Variants in SETBP1 observed in about 807,000 individuals in gnomAD.
SETBP1 encodes the protein SET-binding protein.
Under a neutral mutation model 101.0 loss-of-function variants are expected in SETBP1, and 9 were observed. The observed-to-expected ratio is 0.09, with a 90% CI of 0.05 to 0.16. SETBP1 has a LOEUF of 0.16. Among genes scored for constraint, SETBP1 ranks in the 10% least tolerant of loss-of-function variants. SETBP1 has a pLI of 1.00. For missense variants in SETBP1, 1,858 were observed against 2,033.8 expected (o/e 0.91, Z 1.66); for synonymous variants, 818 against 788.5 (o/e 1.04, Z -0.63).
At position 44,855,782 on chromosome 18, in the gene SETBP1, A is replaced by T. The variant is rs564859296; in HGVS notation, c.487-13448A>T. ...ACTCTCACTGGCATGGTGTGCTCAGATCTGCCTGCCACATTGAGGGGAAGG... is the reference window on the plus strand; with the variant it reads ...ACTCTCACTGGCATGGTGTGCTCAGTTCTGCCTGCCACATTGAGGGGAAGG... On this transcript the variant is annotated intron_variant, in intron 2 of 5. Transcript: ENST00000649279. Among the ~76,000 whole-genome samples, 5 of 152,338 alleles carry T rather than the reference A, an allele frequency of 3.3e-5. No homozygotes were observed. In the South Asian group the frequency reaches 1.0e-3, roughly 32 times the overall value.
At chr18:44,711,824 G>A (rs1026423761) in intron 2 of SETBP1, among the ~76,000 whole-genome samples, 1 of 150,838 alleles carries the variant, frequency 6.6e-6, no homozygotes, top group African/African-American at 2.4e-5. Context: ...ACAGGCCACC[G>A]GCCTGGGCTG....
intron 2 of SETBP1, among the ~76,000 whole-genome samples, chr18:44,754,407 A>G (rs1311710287): frequency 2.0e-5 from 3 of 152,224 alleles, no homozygotes; most frequent in Non-Finnish European, 4.4e-5. Flanking sequence ...TTGGATTGGC[A>G]TCCCAGAATG....
At chr18:44,955,400 T>A (rs1351317483) in intron 4 of SETBP1, among the ~76,000 whole-genome samples, 2 of 152,242 alleles carry the variant, frequency 1.3e-5, no homozygotes, top group Non-Finnish European at 2.9e-5. Context: ...GGCCCAACTC[T>A]GTTACTAATT....
intron 3 of SETBP1, among the ~76,000 whole-genome samples, chr18:44,901,559 G>T (rs1383021071): frequency 6.6e-6 from 1 of 152,168 alleles, no homozygotes; most frequent in East Asian, 1.9e-4. Context: ...ATGATGGGAG[G>T]TAGGGAAGGT....
At chr18:44,688,542 T>G (rs1454237129) in intron 1 of SETBP1, among the ~76,000 whole-genome samples, 1 of 150,808 alleles carries the variant, frequency 6.6e-6, no homozygotes, top group Non-Finnish European at 1.5e-5. Context: ...AACCTCCACC[T>G]CCTGGGTTCA....
At chr18:44,744,784 A>AAC (rs2070196237) in intron 2 of SETBP1, among the ~76,000 whole-genome samples, 3 of 63,630 alleles carry the variant, frequency 4.7e-5, no homozygotes, top group African/African-American at 9.1e-5. Context: ...AAAAAAAAAC[A>AAC]AAAAAAAAAA....
In SETBP1 at chr18:44,680,948, G is replaced by T. The variant is rs990129220; in HGVS notation, c.-246G>T. 1.3e-5 allele frequency: 2 copies of T among 152,168 alleles called. No individual in the cohort carries two copies. Among genetic ancestry groups the T allele is most frequent in the Non-Finnish European group, 2.9e-5 (2 of 68,070 alleles). The allele number at this position is 152,168 out of a possible 1,614,324, so 9.4% of individuals were successfully genotyped here. ...TTGTAACCTAGTTGGATTTTTTTGG[G>T]GGGGGAATGTATCAGAATCTAACGT... On this transcript the variant is annotated 5_prime_UTR_variant, in exon 1 of 6. Coordinates refer to ENST00000649279, the MANE Select transcript of SETBP1 (RefSeq NM_015559.3).
At chr18:44,685,056 A>G (rs1321554330) in intron 1 of SETBP1, among the ~76,000 whole-genome samples, 1 of 152,312 alleles carries the variant, frequency 6.6e-6, no homozygotes, top group Non-Finnish European at 1.5e-5. Flanking sequence ...CCTGAAGTCC[A>G]TAGGATCCTC....
At chr18:44,826,996 G>A (rs1390984245) in intron 2 of SETBP1, among the ~76,000 whole-genome samples, 5 of 152,180 alleles carry the variant, frequency 3.3e-5, no homozygotes, top group Admixed American at 6.5e-5. Context: ...GGCTAAGAAT[G>A]CCATGGGAGA....
intron 2 of SETBP1, among the ~76,000 whole-genome samples, chr18:44,747,659 A>G (rs975601248): frequency 6.6e-6 from 1 of 152,236 alleles, no homozygotes; most frequent in Non-Finnish European, 1.5e-5. Context: ...GTATTTTACA[A>G]TATGCAGTCT....
intron 3 of SETBP1, among the ~76,000 whole-genome samples, chr18:44,942,783 A>G (rs1471619924): frequency 6.6e-6 from 1 of 152,226 alleles, no homozygotes; most frequent in African/African-American, 2.4e-5. Context: ...GTTATGCAGA[A>G]TTATTTACTA....
chr18:44,765,264 A>G (rs1009760907), intron 2 of SETBP1, among the ~76,000 whole-genome samples: 1 of 152,046 alleles, frequency 6.6e-6, no homozygotes, highest in Non-Finnish European at 1.5e-5. Context: ...CTGTAGGAAA[A>G]AAAAAAAGCA....
intron 2 of SETBP1, among the ~76,000 whole-genome samples, chr18:44,759,349 C>A (rs758883555): frequency 1.3e-5 from 2 of 152,220 alleles, no homozygotes; most frequent in African/African-American, 2.4e-5. Flanking sequence ...AGCTTTCCTG[C>A]GAAGGTGATA....
intron 1 of SETBP1, among the ~76,000 whole-genome samples, chr18:44,694,272 T>G (rs1032337432): frequency 6.6e-6 from 1 of 152,146 alleles, no homozygotes; most frequent in Non-Finnish European, 1.5e-5. Flanking sequence ...AGTGCAGTGG[T>G]GCGATCTCGG....
Position 44,689,824 on chromosome 18 carries a change from G to A in SETBP1, c.-173+8803G>A, listed in dbSNP as rs1040043272. ...ACAGTTCAGCATAGGGCTCTGTGGA[G>A]TGTAAGGCAGCAAGACAGATGGGAT... On this transcript the variant is annotated intron_variant, in intron 1 of 5. Transcript: ENST00000649279. Among the ~76,000 whole-genome samples the A allele has an allele frequency of 9.9e-5, 15 of 152,220 alleles. 1 individual carries two copies. Among genetic ancestry groups the A allele is most frequent in the Non-Finnish European group, 1.5e-5 (1 of 68,042 alleles).
intron 3 of SETBP1, among the ~76,000 whole-genome samples, chr18:44,876,164 G>C (rs577274658): frequency 6.6e-6 from 1 of 152,182 alleles, no homozygotes; most frequent in East Asian, 1.9e-4. Flanking sequence ...AGTGGTGTTT[G>C]TCCCTCCCAC....
intron 3 of SETBP1, among the ~76,000 whole-genome samples, chr18:44,949,125 T>A (rs748355406): frequency 6.6e-6 from 1 of 152,220 alleles, no homozygotes; most frequent in Non-Finnish European, 1.5e-5. Flanking sequence ...CAGAGCAACA[T>A]TCCTAGAGTC....
At chr18:44,749,031 G>A (rs1428350299) in intron 2 of SETBP1, among the ~76,000 whole-genome samples, 7 of 152,146 alleles carry the variant, frequency 4.6e-5, no homozygotes, top group Non-Finnish European at 1.0e-4. Context: ...GATTTCTGGG[G>A]TAGTTATGAG....
chr18:44,885,878 T>G (rs955935016), intron 3 of SETBP1, among the ~76,000 whole-genome samples: 6 of 103,094 alleles, frequency 5.8e-5, no homozygotes, highest in Non-Finnish European at 1.3e-4. Flanking sequence ...ACAAGGTGAC[T>G]TACCCTGTGA....
Sources: allele counts gnomAD v4.1 joint callset (sites outside exome capture counted in the v4.1 genomes callset), GRCh38; gene constraint gnomAD v4.1.1; transcripts MANE v1.5; gene names NCBI Gene and HGNC (gene_info 2026-07-23, HGNC 2026-07-21).